Variants in IL1RAP observed in about 807,000 individuals in gnomAD.
The protein encoded by IL1RAP is interleukin-1 receptor accessory protein.
IL1RAP carries 35 observed loss-of-function variants against 60.7 expected under a neutral mutation model. The ratio of observed to expected loss-of-function variants is 0.58; its 90% CI spans 0.44 to 0.76. The LOEUF (loss-of-function observed/expected upper bound fraction) is 0.76, where lower values mean the gene tolerates loss of function less well. IL1RAP is among the 30% of genes least tolerant of loss of function. The probability of loss-of-function intolerance (pLI) is 0.00; values close to 1 mark genes in which losing one functional copy is unlikely to be tolerated. For synonymous variants in IL1RAP, 268 were observed against 250.9 expected, an observed-to-expected ratio of 1.07 and a Z score of -0.64; for missense variants, 572 against 693.9, an observed-to-expected ratio of 0.82 and a Z score of 1.97.
chr3:190,537,519 G>A (rs1723568821), intron 1 of IL1RAP, among the ~76,000 whole-genome samples: 1 of 152,130 alleles, frequency 6.6e-6, no homozygotes. Context: ...TTAGGCTGCT[G>A]AATGGTGAAC....
At chr3:190,588,082 A>G (rs1359949739) in intron 3 of IL1RAP, among the ~76,000 whole-genome samples, 1 of 152,194 alleles carries the variant, frequency 6.6e-6, no homozygotes, top group African/African-American at 2.4e-5. Flanking sequence ...ACCTCAAAGC[A>G]TACGGAGATA....
chr3:190,593,588 G>A (rs576319146), intron 3 of IL1RAP, among the ~76,000 whole-genome samples: 10 of 152,246 alleles, frequency 6.6e-5, no homozygotes, highest in Non-Finnish European at 1.5e-4. Flanking sequence ...CAAATGAGGA[G>A]CAAAGTCACG....
At chr3:190,642,773 G>T (rs750445847) in intron 9 of IL1RAP, among the ~76,000 whole-genome samples, 4 of 152,132 alleles carry the variant, frequency 2.6e-5, no homozygotes, top group Non-Finnish European at 4.4e-5. Context: ...AAAGGGCAGA[G>T]ACCCTTTCCG....
intron 9 of IL1RAP, among the ~76,000 whole-genome samples, chr3:190,642,004 A>G (rs1360856510): frequency 6.6e-6 from 1 of 152,226 alleles, no homozygotes; most frequent in Non-Finnish European, 1.5e-5. Context: ...TGCACTGCTA[A>G]GTCCCAGGCT....
At chr3:190,526,253 C>T (rs1340057846) in intron 1 of IL1RAP, among the ~76,000 whole-genome samples, 1 of 152,138 alleles carries the variant, frequency 6.6e-6, no homozygotes, top group Non-Finnish European at 1.5e-5. Flanking sequence ...TTATAATCAC[C>T]ATTTTACACA....
At chr3:190,569,644 A>G (rs55952784) in intron 3 of IL1RAP, among the ~76,000 whole-genome samples, 7,074 of 151,032 alleles carry the variant, frequency 0.047, 552 homozygotes, top group African/African-American at 0.16. Context: ...TTAGTTACTT[A>G]TATTTCCCAA....
chr3:190,616,422 T>C (rs534183738), intron 5 of IL1RAP, among the ~76,000 whole-genome samples: 1 of 139,540 alleles, frequency 7.2e-6, no homozygotes, highest in African/African-American at 2.9e-5. Context: ...CCATTTGTGG[T>C]TTTTTTTTTT....
intron 1 of IL1RAP, among the ~76,000 whole-genome samples, chr3:190,527,684 A>ATTTTTTTTTTT (rs58914187): frequency 4.4e-5 from 5 of 112,938 alleles, no homozygotes; most frequent in African/African-American, 1.0e-4. Context: ...GCTTGTTTAC[A>ATTTTTTTTTTT]TTTTTTTTTT....
chr3:190,533,763 C>T (rs558016547), intron 1 of IL1RAP, among the ~76,000 whole-genome samples: 1 of 152,224 alleles, frequency 6.6e-6, no homozygotes, highest in South Asian at 2.1e-4. Flanking sequence ...GCAGTCTTGC[C>T]CAGGCCAAAC....
intron 5 of IL1RAP, among the ~76,000 whole-genome samples, chr3:190,614,084 T>C (rs912801916): frequency 6.6e-6 from 1 of 151,808 alleles, no homozygotes; most frequent in African/African-American, 2.4e-5. Flanking sequence ...TCTACCCGGA[T>C]GTCTTGGTCC....
chr3:190,558,582 C>T (rs900384313), intron 2 of IL1RAP, among the ~76,000 whole-genome samples: 2 of 152,226 alleles, frequency 1.3e-5, no homozygotes, highest in South Asian at 2.1e-4. Context: ...TTTTGCATAT[C>T]GTTTTGGTAA....
At chr3:190,563,608 C>T (rs1049070503) in intron 2 of IL1RAP, 1 of 152,202 alleles carries the variant, frequency 6.6e-6, no homozygotes, top group Non-Finnish European at 1.5e-5. Context: ...AGAAAGTTGA[C>T]TCCTCCCTCA....
chr3:190,594,009 G>A (rs1309635339), intron 3 of IL1RAP, among the ~76,000 whole-genome samples: 1 of 152,176 alleles, frequency 6.6e-6, no homozygotes, highest in Non-Finnish European at 1.5e-5. Flanking sequence ...CTCAGGAATT[G>A]TTCATCTAGC....
At chr3:190,554,763 G>GTC (rs1553835561) in intron 1 of IL1RAP, 1 of 145,468 alleles carries the variant, frequency 6.9e-6, no homozygotes, top group South Asian at 2.2e-4. Context: ...GTGTGTGTGT[G>GTC]TCTCTAACTT....
intron 1 of IL1RAP, among the ~76,000 whole-genome samples, chr3:190,524,203 G>A (rs1191100105): frequency 1.3e-5 from 2 of 151,920 alleles, no homozygotes; most frequent in Non-Finnish European, 2.9e-5. Flanking sequence ...TTCTAAATAG[G>A]TTGTTTTTTC....
At chr3:190,599,938 G>A (rs951826322) in intron 3 of IL1RAP, among the ~76,000 whole-genome samples, 4 of 151,992 alleles carry the variant, frequency 2.6e-5, no homozygotes, top group Non-Finnish European at 5.9e-5. Context: ...CTTCATGGAT[G>A]AAACAGGTTC....
rs1577832167 is a variant in IL1RAP, at chr3:190,649,523, A to G, written c.*818A>G. On this transcript the variant is annotated 3_prime_UTR_variant, in exon 12 of 12. Coordinates refer to ENST00000447382, the MANE Select transcript of IL1RAP (RefSeq NM_002182.4). ...CTGAAAGAAATCTCCTAATGGTGCTATAGAGAGGGAGGTAACAGAAAGACT... is the reference window on the plus strand; with the variant it reads ...CTGAAAGAAATCTCCTAATGGTGCTGTAGAGAGGGAGGTAACAGAAAGACT... The G allele has an allele frequency of 2.0e-6, 2 of 985,858 alleles. No homozygotes were observed. Among genetic ancestry groups the G allele is most frequent in the Non-Finnish European group, 2.4e-6 (2 of 829,924 alleles). 61.1% of individuals were successfully genotyped at this position (985,858 alleles called of 1,614,324 possible).
At chr3:190,558,211 C>T (rs1725588162) in intron 2 of IL1RAP, among the ~76,000 whole-genome samples, 3 of 152,178 alleles carry the variant, frequency 2.0e-5, no homozygotes, top group African/African-American at 7.2e-5. Flanking sequence ...GAATTGTTTC[C>T]AGCTTTAGGC....
chr3:190,518,060 G>A (rs1721687033), intron 1 of IL1RAP: 1 of 149,546 alleles, frequency 6.7e-6, no homozygotes, highest in South Asian at 2.1e-4. Flanking sequence ...GATAAATTCA[G>A]GTTAGCCATT....
Sources: gnomAD v4.1 joint callset for allele counts (sites outside exome capture counted in the v4.1 genomes callset) on GRCh38, gnomAD v4.1.1 for gene constraint, MANE v1.5 for transcripts, NCBI Gene and HGNC (gene_info 2026-07-23, HGNC 2026-07-21) for gene names.